Variants in RAP1GAP2 observed in about 807,000 individuals in gnomAD.
RAP1GAP2 encodes the protein RAP1 GTPase activating protein 2, also known as rap1 GTPase-activating protein 2.
In RAP1GAP2, 27 loss-of-function variants were observed where a neutral mutation model predicts 95.0. The observed-to-expected ratio is 0.28, with a 90% CI of 0.21 to 0.39. The LOEUF is 0.39. Ranked by LOEUF, RAP1GAP2 falls within the 10% of genes least tolerant of loss-of-function variation. The probability of loss-of-function intolerance (pLI) is 1.00; values close to 1 mark genes in which losing one functional copy is unlikely to be tolerated. For missense variants in RAP1GAP2, 771 were observed against 970.0 expected, an observed-to-expected ratio of 0.79 and a Z score of 2.72; for synonymous variants, 373 against 380.9, an observed-to-expected ratio of 0.98 and a Z score of 0.24.
intron 2 of RAP1GAP2, chr17:2,853,919 G>A (rs1199536389): frequency 3.2e-5 from 31 of 981,360 alleles, no homozygotes; most frequent in Non-Finnish European, 3.5e-5. Flanking sequence ...CGGGCTCAGG[G>A]GCCGGGTGCG....
At chr17:2,806,275 T>C (rs1422632655) in intron 2 of RAP1GAP2, among the ~76,000 whole-genome samples, 1 of 152,146 alleles carries the variant, frequency 6.6e-6, no homozygotes, top group Non-Finnish European at 1.5e-5. Flanking sequence ...GCAGCTTTCC[T>C]AGGTCCCTGG....
At chr17:2,787,193 C>T (rs1483274503) in intron 1 of RAP1GAP2, among the ~76,000 whole-genome samples, 2 of 151,852 alleles carry the variant, frequency 1.3e-5, no homozygotes, top group Non-Finnish European at 2.9e-5. Flanking sequence ...TCAAGTGATC[C>T]ACCCCACCAT....
intron 3 of RAP1GAP2, among the ~76,000 whole-genome samples, chr17:2,916,876 G>C (rs1017402292): frequency 3.3e-5 from 5 of 152,114 alleles, no homozygotes; most frequent in African/African-American, 1.2e-4. Flanking sequence ...ATGTATCTTC[G>C]GGCCCGTGGC....
rs994282318 is a variant in RAP1GAP2, at chr17:2,867,422, C to T, written c.81-37862C>T. Among the ~76,000 whole-genome samples, 2 of 152,148 alleles carry T rather than the reference C, an allele frequency of 1.3e-5. No individual in the cohort carries two copies. The highest frequency in any genetic ancestry group is 2.9e-5 in the Non-Finnish European group (2 of 68,032). On this transcript the variant is annotated intron_variant, in intron 2 of 24. Coordinates refer to ENST00000254695, the MANE Select transcript of RAP1GAP2 (RefSeq NM_015085.5). The surrounding 1 kb of genome is among the most constrained non-coding windows in gnomAD (Gnocchi z 4.5). Reference sequence around the variant, plus strand: ...GCTGTGCCTTCCTTTGGGTTGCCTTCGTCCTCAGGTACCTTATCCACGAAG... The same window carrying T: ...GCTGTGCCTTCCTTTGGGTTGCCTTTGTCCTCAGGTACCTTATCCACGAAG...
chr17:2,857,464 C>T lies in RAP1GAP2; in HGVS notation c.81-47820C>T, dbSNP rs1024712336. Among the ~76,000 whole-genome samples the T allele has an allele frequency of 2.6e-5, 4 of 152,168 alleles. No homozygotes were observed. Among genetic ancestry groups the T allele is most frequent in the African/African-American group, 7.2e-5 (3 of 41,426 alleles). Reference sequence around the variant, plus strand: ...TGCTCCAGGCTCCAACTTCAATTTCCGTTTTCGAGAAATGGGCGTGGTGAT... The same window carrying T: ...TGCTCCAGGCTCCAACTTCAATTTCTGTTTTCGAGAAATGGGCGTGGTGAT... On this transcript the variant is annotated intron_variant, in intron 2 of 24. Coordinates refer to ENST00000254695, the MANE Select transcript of RAP1GAP2 (RefSeq NM_015085.5). This position sits in a 1 kb window ranked among gnomAD's most constrained non-coding sequence, Gnocchi z 4.0.
chr17:2,794,792 G>T (rs1469842341), upstream of RAP1GAP2, among the ~76,000 whole-genome samples: 1 of 151,974 alleles, frequency 6.6e-6, no homozygotes. Flanking sequence ...CACAGTGGCA[G>T]CAGGTGCCAG....
At chr17:2,830,959 C>A (rs1413513242) in intron 2 of RAP1GAP2, among the ~76,000 whole-genome samples, 2 of 123,278 alleles carry the variant, frequency 1.6e-5, no homozygotes, top group African/African-American at 3.1e-5. Context: ...CTTCCCCTCC[C>A]CTCCCCTTCC....
At chr17:3,013,314 C>T (rs1454656884) in intron 17 of RAP1GAP2, among the ~76,000 whole-genome samples, 2 of 152,182 alleles carry the variant, frequency 1.3e-5, no homozygotes, top group Non-Finnish European at 1.5e-5. Context: ...GCGTCTTTGC[C>T]CCCTCCTTTT....
At chr17:3,000,380 G>A (rs192593817) in intron 14 of RAP1GAP2, among the ~76,000 whole-genome samples, 132 of 151,952 alleles carry the variant, frequency 8.7e-4, no homozygotes, top group East Asian at 1.5e-3. Flanking sequence ...CTCCAGGCTG[G>A]AATGGGGCTC....
intron 17 of RAP1GAP2, among the ~76,000 whole-genome samples, chr17:3,015,917 C>T (rs2046749516): frequency 6.6e-6 from 1 of 152,106 alleles, no homozygotes; most frequent in African/African-American, 2.4e-5. Context: ...CACAGTTGTA[C>T]AGGTGTGCAC....
rs367924434 is a variant in RAP1GAP2, at chr17:2,997,941, A to G, written c.1045-280A>G. Among the ~76,000 whole-genome samples the G allele has an allele frequency of 6.9e-3, 1,028 of 148,474 alleles. 16 individuals carry two copies. Among genetic ancestry groups the G allele is most frequent in the African/African-American group, 0.024 (972 of 40,642 alleles). On this transcript the variant is annotated intron_variant, in intron 13 of 24. Transcript: ENST00000254695. ...CTGTCTCAAAAAAAAAAAAAAAAGA[A>G]AAAAAAAAGATTGAAAGAAGAACCC...
rs1324278351 is a variant in RAP1GAP2 at position 3,030,130 on chromosome 17, ATATATAT to A, written c.2108-786_2108-780del. ...ACATATATGTATATATTATATATAC[ATATATAT>A]TATATGTTATATGTATATACATATG... On this transcript the variant is annotated intron_variant, in intron 22 of 24. Transcript: ENST00000254695. Among the ~76,000 whole-genome samples the A allele has an allele frequency of 5.4e-5, 8 of 147,286 alleles. No homozygotes were observed. In the East Asian group the frequency reaches 1.4e-3, roughly 25 times the overall value.
At chr17:2,973,078 G>A (rs1384236567) in intron 8 of RAP1GAP2, among the ~76,000 whole-genome samples, 1 of 152,140 alleles carries the variant, frequency 6.6e-6, no homozygotes, top group African/African-American at 2.4e-5. Context: ...GTGTCTGAGT[G>A]TGTGTAGGGT....
At chr17:2,761,266 A>G (rs565022654) in intron 1 of RAP1GAP2, among the ~76,000 whole-genome samples, 1 of 134,422 alleles carries the variant, frequency 7.4e-6, no homozygotes, top group South Asian at 2.3e-4. Context: ...GTGGGGTGCC[A>G]TTTTCTCTTT....
rs2072169499 is a variant in RAP1GAP2, at chr17:2,857,060, C to G, written c.81-48224C>G. Reference sequence around the variant, plus strand: ...CAGCTGCCAGCCTCTCTTAAGCATCCCCCATACTCCATGCTGGGCGTTACA... The same window carrying G: ...CAGCTGCCAGCCTCTCTTAAGCATCGCCCATACTCCATGCTGGGCGTTACA... On this transcript the variant is annotated intron_variant, in intron 2 of 24. Coordinates refer to ENST00000254695, the MANE Select transcript of RAP1GAP2 (RefSeq NM_015085.5). This position sits in a 1 kb window ranked among gnomAD's most constrained non-coding sequence, Gnocchi z 4.0. Among the ~76,000 whole-genome samples, 1 of 152,188 alleles carries G rather than the reference C, an allele frequency of 6.6e-6. No individual in the cohort carries two copies.
intron 3 of RAP1GAP2, among the ~76,000 whole-genome samples, chr17:2,926,541 T>G (rs1014478215): frequency 2.6e-5 from 4 of 152,076 alleles, no homozygotes; most frequent in Non-Finnish European, 5.9e-5. Context: ...TCACAGTTCC[T>G]CCCTCCCCCA....
chr17:2,928,713 G>A (rs1055025769), intron 3 of RAP1GAP2, among the ~76,000 whole-genome samples: 19 of 152,234 alleles, frequency 1.2e-4, no homozygotes, highest in South Asian at 2.1e-4. Context: ...CCAGCCCACC[G>A]ATAATCTCTA....
At position 2,965,940 on chromosome 17, in the gene RAP1GAP2, A is replaced by C; in HGVS notation, c.596+297A>C. 2 of 395,428 alleles carry C rather than the reference A, an allele frequency of 5.1e-6. No homozygotes were observed. The highest frequency in any genetic ancestry group is 9.3e-6 in the Non-Finnish European group (2 of 215,078). The allele number at this position is 395,428 out of a possible 1,614,324, so 24.5% of individuals were successfully genotyped here. On this transcript the variant is annotated intron_variant, in intron 8 of 24. Coordinates refer to ENST00000254695, the MANE Select transcript of RAP1GAP2 (RefSeq NM_015085.5). The surrounding 1 kb of genome is among the most constrained non-coding windows in gnomAD (Gnocchi z 4.7). ...AGTCCATGGCTCTGAGGAAGACGGG[A>C]AGAAAAGTAGGGATGGTTCAGTGTG...
At chr17:3,013,709 G>C (rs1020112731) in intron 17 of RAP1GAP2, among the ~76,000 whole-genome samples, 1 of 127,928 alleles carries the variant, frequency 7.8e-6, no homozygotes, top group African/African-American at 3.0e-5. Flanking sequence ...TCCACCAGTT[G>C]AATTGTATTT....
Sources: gnomAD v4.1 joint callset for allele counts (sites outside exome capture counted in the v4.1 genomes callset) on GRCh38, gnomAD v4.1.1 for gene constraint, Gnocchi (gnomAD v3.1) non-coding constraint, MANE v1.5 for transcripts, NCBI Gene and HGNC (gene_info 2026-07-23, HGNC 2026-07-21) for gene names.